The following SGCG variants were observed in gnomAD, a reference collection of about 807,000 sequenced individuals.
The protein encoded by SGCG is sarcoglycan gamma.
In SGCG, 26 loss-of-function variants were observed where a neutral mutation model predicts 29.3. The ratio of observed to expected loss-of-function variants is 0.89; its 90% CI spans 0.65 to 1.23. The LOEUF is 1.23. SGCG is among the 50% of genes most tolerant of loss of function. The pLI is 0.00. For missense variants in SGCG, 353 were observed against 356.0 expected (o/e 0.99, Z 0.07); for synonymous variants, 145 against 129.7 (o/e 1.12, Z -0.80).
chr13:23,286,853 G>A (rs4769254), intron 5 of SGCG, among the ~76,000 whole-genome samples: 126,584 of 152,218 alleles, frequency 0.83, 53,374 homozygotes, highest in Middle Eastern at 0.95. Context: ...ACAGGATTGT[G>A]TATAGTGCTT....
chr13:23,258,501 A>G (rs552567533), intron 4 of SGCG, among the ~76,000 whole-genome samples: 16 of 152,292 alleles, frequency 1.1e-4, no homozygotes, highest in Admixed American at 4.6e-4. Flanking sequence ...AAATAGGGAC[A>G]ATTTGACCTC....
At chr13:23,186,753 A>G (rs971188688) in intron 1 of SGCG, among the ~76,000 whole-genome samples, 1 of 152,182 alleles carries the variant, frequency 6.6e-6, no homozygotes, top group Non-Finnish European at 1.5e-5. Context: ...TGGCAAGAAC[A>G]GGGGATCCCG....
chr13:23,191,910 G>T (rs1163282810), intron 1 of SGCG, among the ~76,000 whole-genome samples: 1 of 152,170 alleles, frequency 6.6e-6, no homozygotes, highest in Non-Finnish European at 1.5e-5. Context: ...TGTCGGCCGG[G>T]CGCGGTGGCT....
intron 6 of SGCG, among the ~76,000 whole-genome samples, chr13:23,317,109 G>A (rs1249568303): frequency 1.3e-5 from 2 of 152,046 alleles, no homozygotes; most frequent in African/African-American, 4.8e-5. Context: ...GCAGGAGAAT[G>A]GCGTGAACCC....
chr13:23,303,190 C>CT (rs36005024), intron 6 of SGCG, among the ~76,000 whole-genome samples: 109,762 of 151,960 alleles, frequency 0.72, 41,540 homozygotes, highest in East Asian at 0.89. Context: ...ATGAGCATGT[C>CT]TTTCTTTATA....
At chr13:23,315,967 T>A (rs35236661) in intron 6 of SGCG, among the ~76,000 whole-genome samples, 28,942 of 152,106 alleles carry the variant, frequency 0.19, 3,338 homozygotes, top group Non-Finnish European at 0.25. Context: ...CACTACTCAG[T>A]CTCTTTCCCC....
intron 2 of SGCG, among the ~76,000 whole-genome samples, chr13:23,231,807 A>C (rs1276758227): frequency 6.6e-6 from 1 of 152,174 alleles, no homozygotes; most frequent in African/African-American, 2.4e-5. Context: ...AAAATCTCCC[A>C]GTGCATCACA....
At chr13:23,291,852 G>T (rs1417789793) in intron 5 of SGCG, among the ~76,000 whole-genome samples, 2 of 152,146 alleles carry the variant, frequency 1.3e-5, no homozygotes, top group Non-Finnish European at 2.9e-5. Context: ...GGGTCATTTT[G>T]TCATACCCAA....
intron 5 of SGCG, among the ~76,000 whole-genome samples, chr13:23,294,637 A>T (rs1054030372): frequency 3.3e-5 from 5 of 152,170 alleles, no homozygotes; most frequent in African/African-American, 9.7e-5. Flanking sequence ...TCTATCACAT[A>T]TTGTTATTTA....
At chr13:23,195,617 T>G (rs1288123701) in intron 1 of SGCG, among the ~76,000 whole-genome samples, 2 of 152,152 alleles carry the variant, frequency 1.3e-5, no homozygotes, top group African/African-American at 4.8e-5. Flanking sequence ...TTTGCCATTT[T>G]ATTTTAAAAG....
intron 2 of SGCG, among the ~76,000 whole-genome samples, chr13:23,213,158 C>T (rs1467354486): frequency 1.3e-5 from 2 of 152,044 alleles, no homozygotes; most frequent in African/African-American, 4.8e-5. Flanking sequence ...ATTAGGGTTG[C>T]AATTTATAGG....
At chr13:23,215,632 A>G (rs1878397568) in intron 2 of SGCG, among the ~76,000 whole-genome samples, 1 of 152,136 alleles carries the variant, frequency 6.6e-6, no homozygotes, top group African/African-American at 2.4e-5. Flanking sequence ...CTTTATTTCT[A>G]TTTTTAGTAT....
At position 23,292,119 on chromosome 13, in the gene SGCG, C is replaced by CTTTTTT. The variant is rs71100167; in HGVS notation, c.506-3293_506-3288dup. On this transcript the variant is annotated intron_variant, in intron 5 of 7. Transcript: ENST00000218867. ...TCAAAACAATACATAACATTTCTTT[C>CTTTTTT]TTTTTTTTGAGATAGAGTCTTACTT... Among the ~76,000 whole-genome samples, 8 of 147,462 alleles carry CTTTTTT rather than the reference C, an allele frequency of 5.4e-5. 1 individual carries two copies. Among genetic ancestry groups the CTTTTTT allele is most frequent in the Non-Finnish European group, 8.9e-5 (6 of 67,188 alleles).
chr13:23,250,686 A>C lies in SGCG; in HGVS notation c.354A>C (p.Ser118=). 1 of 1,612,226 alleles carries C rather than the reference A, an allele frequency of 6.2e-7. No homozygotes were observed. Among genetic ancestry groups the C allele is most frequent in the Non-Finnish European group, 8.5e-7 (1 of 1,178,304 alleles). Residue 118 remains serine, a synonymous_variant, in exon 4 of 8, where the codon TCA becomes TCC. Coordinates refer to ENST00000218867, the MANE Select transcript of SGCG (RefSeq NM_000231.3). ...ATGTGACTGTAAATGCGCGCAACTC[A>C]GAAGGGGAGGTCACAGGCAGGTTAA... ...TQNVTVNARN[S]EGEVTGRLKV... is the part of the protein sequence containing the mutation.
chr13:23,261,423 A>C (rs1030255932), intron 4 of SGCG, among the ~76,000 whole-genome samples: 11 of 152,096 alleles, frequency 7.2e-5, no homozygotes, highest in African/African-American at 2.4e-4. Flanking sequence ...GAGCTCGAAG[A>C]CAAGTCTTTT....
chr13:23,279,632 C>A (rs959552165), intron 5 of SGCG, among the ~76,000 whole-genome samples, 154 bp downstream of exon 5: 2 of 152,052 alleles, frequency 1.3e-5, no homozygotes, highest in Non-Finnish European at 2.9e-5. Flanking sequence ...TGAACTCCCT[C>A]GATGCTCTCC....
intron 6 of SGCG, among the ~76,000 whole-genome samples, chr13:23,302,382 A>G (rs1037445717): frequency 2.6e-5 from 4 of 152,036 alleles, no homozygotes; most frequent in African/African-American, 4.8e-5. Flanking sequence ...TAGTCACCCT[A>G]CAGTGCTATA....
intron 2 of SGCG, among the ~76,000 whole-genome samples, chr13:23,230,523 T>C (rs139249965): frequency 6.3e-4 from 96 of 152,292 alleles, no homozygotes; most frequent in African/African-American, 2.2e-3. Context: ...TATTCCTAGG[T>C]GTTTTATTCT....
rs942197660 is a variant in SGCG, at chr13:23,234,824, T to C, written c.297+112T>C. 17 of 737,010 alleles carry C rather than the reference T, an allele frequency of 2.3e-5. No individual in the cohort carries two copies. In the African/African-American group the frequency reaches 2.4e-4, roughly 11 times the overall value. The allele number at this position is 737,010 out of a possible 1,614,324, so 45.7% of individuals were successfully genotyped here. A position where few individuals can be genotyped will look rare whatever the true frequency, so the allele number is the denominator to read the frequency against. ...TTTTTAAAGCGCATACATGTGCACA[T>C]ATTCATGATATGCTCTTTATAAAAA... is the stretch of plus-strand genomic sequence containing the variant. On this transcript the variant is annotated intron_variant, in intron 3 of 7. Transcript: ENST00000218867.
Sources: allele counts gnomAD v4.1 joint callset (sites outside exome capture counted in the v4.1 genomes callset), GRCh38; gene constraint gnomAD v4.1.1; transcripts MANE v1.5; gene names NCBI Gene and HGNC (gene_info 2026-07-23, HGNC 2026-07-21).